The following DNAAF1 variants were observed in gnomAD, a reference collection of about 807,000 sequenced individuals.
The protein encoded by DNAAF1 is dynein axonemal assembly factor 1, also known as dynein assembly factor 1, axonemal.
Under a neutral mutation model 71.1 loss-of-function variants are expected in DNAAF1, and 65 were observed. That is an observed-to-expected ratio of 0.91 (90% CI 0.75 to 1.12). The LOEUF is 1.12. DNAAF1 is among the 50% of genes most tolerant of loss of function. The pLI, the probability that DNAAF1 is intolerant of heterozygous loss-of-function variation, is 0.00. For synonymous variants in DNAAF1, 414 were observed against 354.6 expected (o/e 1.17, Z -1.88); for missense variants, 1,178 against 899.8 (o/e 1.31, Z -3.96).
rs1226278534 is a variant in DNAAF1 at position 84,145,445 on chromosome 16, A to T, written c.5A>T (p.His2Leu). 1.3e-6 allele frequency: 2 copies of T among 1,580,232 alleles called. No individual in the cohort carries two copies. The highest frequency in any genetic ancestry group is 1.2e-5 in the South Asian group (1 of 86,146). The part of the protein sequence containing the change: M[H>L]PEPSEPATGG... ...TTCGGTGTCGCCGAAGTAAACATGC[A>T]CCCTGAGCCCTCGGAGCCTGCGACA... Residue 2 changes from histidine to leucine, a missense_variant, in exon 1 of 12, where the codon CAC becomes CTC. Coordinates refer to ENST00000378553, the MANE Select transcript of DNAAF1 (RefSeq NM_178452.6).
rs775351767 is a variant in DNAAF1 at position 84,174,660 on chromosome 16, C to A, written c.1645-9C>A. On this transcript the variant is annotated splice_polypyrimidine_tract_variant and intron_variant, in intron 9 of 11. Transcript: ENST00000378553. ...TCCCTGGTGATGTGCGGCTCACTTG[C>A]TCTTTCAGGACCTACCTGACTTGGA... 1.2e-5 allele frequency: 20 copies of A among 1,614,042 alleles called. No homozygotes were observed. Among genetic ancestry groups the A allele is most frequent in the Non-Finnish European group, 1.6e-5 (19 of 1,180,018 alleles).
intron 1 of DNAAF1, among the ~76,000 whole-genome samples, chr16:84,146,119 G>A (rs1366361094): frequency 1.3e-5 from 2 of 151,434 alleles, no homozygotes; most frequent in East Asian, 1.9e-4. Flanking sequence ...AAACAAACAA[G>A]CAAACAAAAC....
intron 1 of DNAAF1, among the ~76,000 whole-genome samples, chr16:84,145,983 G>A (rs2086883682): frequency 6.6e-6 from 1 of 152,112 alleles, no homozygotes; most frequent in Admixed American, 6.5e-5. Flanking sequence ...TGTAGTCTCA[G>A]CTACTTGGGA....
intron 1 of DNAAF1, among the ~76,000 whole-genome samples, chr16:84,148,596 C>CTCTTTTTT: frequency 4.6e-5 from 2 of 43,578 alleles, no homozygotes; most frequent in East Asian, 1.0e-3. Context: ...CTCTCTCTCT[C>CTCTTTTTT]TTTTTTTTTT....
intron 1 of DNAAF1, among the ~76,000 whole-genome samples, chr16:84,147,468 T>C (rs1043586839): frequency 6.6e-6 from 1 of 152,188 alleles, no homozygotes; most frequent in Non-Finnish European, 1.5e-5. Flanking sequence ...ATTGTTATCA[T>C]AGATATTCTC....
At chr16:84,176,397 C>T in intron 11 of DNAAF1, 98 bp downstream of exon 11, 1 of 1,574,270 alleles carries the variant, frequency 6.4e-7, no homozygotes. Flanking sequence ...CCTGAGCTTT[C>T]ATGTTGCTGG....
At chr16:84,166,461 C>G (rs1416919509) in intron 7 of DNAAF1, among the ~76,000 whole-genome samples, 1 of 149,510 alleles carries the variant, frequency 6.7e-6, no homozygotes, top group South Asian at 2.1e-4. Context: ...ACTGCAACCT[C>G]TGCCTCAAGT....
At chr16:84,167,961 G>A (rs986395094) in intron 7 of DNAAF1, among the ~76,000 whole-genome samples, 3 of 151,782 alleles carry the variant, frequency 2.0e-5, no homozygotes, top group East Asian at 1.9e-4. Flanking sequence ...AGGTTGCAGC[G>A]AGCCGAGATC....
rs62048438 is a variant in DNAAF1 at position 84,154,285 on chromosome 16, G to T, written c.353-292G>T. 0.078 allele frequency among the ~76,000 whole-genome samples: 11,883 copies of T among 152,106 alleles called. 550 individuals carry two copies. Among genetic ancestry groups the T allele is most frequent in the South Asian group, 0.24 (1,150 of 4,818 alleles). On this transcript the variant is annotated intron_variant, in intron 3 of 11. Coordinates refer to ENST00000378553, the MANE Select transcript of DNAAF1 (RefSeq NM_178452.6). ...CTGGTGAGAGCTTGCTTTTTTATTC[G>T]CAGATGGCACTTTCTTGCTGTATCC...
chr16:84,174,539 G>A (rs2088551610), intron 9 of DNAAF1, 130 bp from the exon 10 acceptor site: 4 of 1,572,536 alleles, frequency 2.5e-6, no homozygotes, highest in South Asian at 1.2e-5. Context: ...ACAGGCAGGC[G>A]AGTCACCTGA....
At chr16:84,176,737 T>C (rs1280608602) in intron 11 of DNAAF1, 1 of 277,746 alleles carries the variant, frequency 3.6e-6, no homozygotes, top group Non-Finnish European at 7.2e-6. Flanking sequence ...CACAAGGGCG[T>C]GGCTGCTTCA....
chr16:84,173,004 C>A (rs1597485891), intron 9 of DNAAF1: 1 of 995,242 alleles, frequency 1.0e-6, no homozygotes, highest in Non-Finnish European at 1.2e-6. Flanking sequence ...TGTCTCACAA[C>A]CCCCCAAGAA....
Position 84,150,269 on chromosome 16 carries a change from G to A in DNAAF1, c.279G>A (p.Leu93=), listed in dbSNP as rs1466796208. 3 of 1,613,636 alleles carry A rather than the reference G, an allele frequency of 1.9e-6. No individual in the cohort carries two copies. Among genetic ancestry groups the A allele is most frequent in the East Asian group, 2.2e-5 (1 of 44,868 alleles). ...TTAACAGAATGACTAAAAGTTCCCT[G>A]CAAAAACTCTGCAAGCAGCACAAGC... ...DRGPRMTKSS[L]QKLCKQHKLY... is the part of the protein sequence containing the mutation. Residue 93 remains leucine, a synonymous_variant, in exon 3 of 12, where the codon CTG becomes CTA. Transcript: ENST00000378553.
Position 84,154,649 on chromosome 16 carries a change from A to G in DNAAF1, c.425A>G (p.Gln142Arg), listed in dbSNP as rs199646674. The G allele has an allele frequency of 4.3e-6, 7 of 1,614,202 alleles. No homozygotes were observed. In the African/African-American group the frequency reaches 6.7e-5, roughly 15 times the overall value. The stretch of plus-strand genomic sequence containing the variant: ...CTCTGGCTGCAGAGCAATGGAATAC[A>G]GAAAATCGAAAACCTGGAGGCCCAA... ...RCLWLQSNGI[Q>R]KIENLEAQTE... The change falls in exon 4 of 12, where the codon CAG becomes CGG. Residue 142 changes from glutamine (Q) to arginine (R), a missense_variant. Gln to Arg is a conservative substitution (Grantham distance 43). Coordinates refer to ENST00000378553, the MANE Select transcript of DNAAF1 (RefSeq NM_178452.6).
rs1464697795 is a variant in DNAAF1 at position 84,170,074 on chromosome 16, C to T, written c.1246C>T (p.Leu416Phe). 7 of 1,612,530 alleles carry T rather than the reference C, an allele frequency of 4.3e-6. No individual in the cohort carries two copies. The highest frequency in any genetic ancestry group is 3.4e-6 in the Non-Finnish European group (4 of 1,179,488). Reference protein sequence around the residue: ...EDGGPEPEGTLPAETLLLSSP... With the variant: ...EDGGPEPEGTFPAETLLLSSP... ...TGGAGGTCCAGAGCCAGAGGGGACC[C>T]TCCCAGCTGAGACCCTGCTACTGTC... is the stretch of plus-strand genomic sequence containing the variant. The change falls in exon 8 of 12, where the codon CTC becomes TTC. Residue 416 changes from leucine (L) to phenylalanine (F), a missense_variant. Physicochemically the swap from Leu to Phe is conservative, Grantham distance 22. Coordinates refer to ENST00000378553, the MANE Select transcript of DNAAF1 (RefSeq NM_178452.6).
At chr16:84,153,815 A>C (rs1457535946) in intron 3 of DNAAF1, among the ~76,000 whole-genome samples, 1 of 152,184 alleles carries the variant, frequency 6.6e-6, no homozygotes, top group East Asian at 1.9e-4. Context: ...CACTAGGGTC[A>C]GGCCTGGTGG....
intron 1 of DNAAF1, among the ~76,000 whole-genome samples, chr16:84,147,814 C>G (rs1036001945): frequency 2.6e-5 from 4 of 151,864 alleles, no homozygotes; most frequent in African/African-American, 9.7e-5. Context: ...GCCTGTAATC[C>G]CAGCACTTTG....
chr16:84,159,037 A>G lies in DNAAF1; in HGVS notation c.742-638A>G, dbSNP rs944672217. On this transcript the variant is annotated intron_variant, in intron 5 of 11. Coordinates refer to ENST00000378553, the MANE Select transcript of DNAAF1 (RefSeq NM_178452.6). ...TGAGCCACCATGCCCAGCCCCACTA[A>G]GCATTAAACTTCTTTGAGTTTCTTA... 5.1e-6 allele frequency: 5 copies of G among 987,354 alleles called. No individual in the cohort carries two copies. The African/African-American group carries it at 7.0e-5, about 14-fold the overall frequency. 61.2% of individuals were successfully genotyped at this position (987,354 alleles called of 1,614,324 possible).
At chr16:84,174,060 C>T in intron 9 of DNAAF1, 1 of 351,326 alleles carries the variant, frequency 2.8e-6, no homozygotes, top group South Asian at 1.0e-4. Context: ...TCCCAATTTC[C>T]CAGATGAGGA....
Sources: gnomAD v4.1 joint callset for allele counts (sites outside exome capture counted in the v4.1 genomes callset) on GRCh38, gnomAD v4.1.1 for gene constraint, MANE v1.5 for transcripts, NCBI Gene and HGNC (gene_info 2026-07-23, HGNC 2026-07-21) for gene names.